The following LRRIQ1 variants were observed in gnomAD, a reference collection of about 807,000 sequenced individuals.
LRRIQ1 encodes leucine-rich repeat- and IQ domain-containing protein 1.
A neutral mutation model predicts 211.9 loss-of-function variants in LRRIQ1; 210 were observed. That is an observed-to-expected ratio of 0.99 (90% CI 0.89 to 1.11). The LOEUF (loss-of-function observed/expected upper bound fraction) is 1.11. Among genes scored for constraint, LRRIQ1 ranks in the 50% most tolerant of loss-of-function variants. The pLI is 0.00. For synonymous variants in LRRIQ1, 699 were observed against 650.1 expected (o/e 1.08, Z -1.14); for missense variants, 2,136 against 1,939.5 (o/e 1.10, Z -1.90).
intron 24 of LRRIQ1, among the ~76,000 whole-genome samples, chr12:85,177,484 C>T (rs1338206180): frequency 2.6e-5 from 4 of 151,956 alleles, no homozygotes; most frequent in South Asian, 2.1e-4. Flanking sequence ...ACTAGGCAAG[C>T]GGGGGAGGTT....
chr12:85,237,618 G>C (rs1405812130), intron 26 of LRRIQ1, among the ~76,000 whole-genome samples: 1 of 152,070 alleles, frequency 6.6e-6, no homozygotes, highest in African/African-American at 2.4e-5. Flanking sequence ...GTTCTGACCT[G>C]CTACAGTGGA....
chr12:85,208,343 A>G (rs1893667992), intron 24 of LRRIQ1, among the ~76,000 whole-genome samples: 1 of 152,132 alleles, frequency 6.6e-6, no homozygotes, highest in Non-Finnish European at 1.5e-5. Context: ...GTACCTGCCA[A>G]AAAGCACTTA....
rs191308682 is a variant in LRRIQ1, at chr12:85,113,500, G to A, written c.3377+6885G>A. Among the ~76,000 whole-genome samples the A allele has an allele frequency of 5.7e-3, 869 of 151,784 alleles. 6 individuals carry two copies. The highest frequency in any genetic ancestry group is 9.9e-3 in the African/African-American group (410 of 41,410). On this transcript the variant is annotated intron_variant, in intron 15 of 26. Coordinates refer to ENST00000393217, the MANE Select transcript of LRRIQ1 (RefSeq NM_001079910.2). ...AAATTTTGTTTATTGTTTTTGCTTC[G>A]GTTACATAGTACCAGCACAGTCCCT... is the stretch of plus-strand genomic sequence containing the variant.
chr12:85,127,894 T>G lies in LRRIQ1; in HGVS notation c.4070T>G (p.Phe1357Cys). The change falls in exon 18 of 27, where the codon TTC (phenylalanine) becomes TGC (cysteine). Residue 1357 changes from phenylalanine (F) to cysteine (C), a missense_variant. Coordinates refer to ENST00000393217, the MANE Select transcript of LRRIQ1 (RefSeq NM_001079910.2). ...TACCTCATGCGCAGACAGACTCATT[T>G]CTCCACAAGGCTACATACTGCTGCA... Reference protein sequence around the residue: ...RGYLMRRQTHFSTRLHTAATE... With the variant: ...RGYLMRRQTHCSTRLHTAATE... The G allele has an allele frequency of 6.2e-7, 1 of 1,614,120 alleles. No homozygotes were observed. The highest frequency in any genetic ancestry group is 1.1e-5 in the South Asian group (1 of 91,084).
At chr12:85,195,970 C>G (rs577162008) in intron 24 of LRRIQ1, among the ~76,000 whole-genome samples, 181 of 152,026 alleles carry the variant, frequency 1.2e-3, no homozygotes, top group African/African-American at 4.2e-3. Flanking sequence ...TAAGCAACTT[C>G]AGCGAAGTCT....
At chr12:85,210,122 A>G (rs1033079258) in intron 24 of LRRIQ1, among the ~76,000 whole-genome samples, 5 of 152,208 alleles carry the variant, frequency 3.3e-5, no homozygotes, top group Non-Finnish European at 5.9e-5. Flanking sequence ...AGAGGACCTT[A>G]TACATTTCTA....
chr12:85,225,085 C>A (rs1246425555), intron 24 of LRRIQ1, among the ~76,000 whole-genome samples: 1 of 151,940 alleles, frequency 6.6e-6, no homozygotes, highest in East Asian at 1.9e-4. Context: ...CAACCAACTG[C>A]AGATTAAAAA....
chr12:85,269,276 C>T (rs1475890005), downstream of LRRIQ1, among the ~76,000 whole-genome samples: 2 of 151,836 alleles, frequency 1.3e-5, no homozygotes, highest in African/African-American at 4.8e-5. Context: ...AAAACTGCTA[C>T]GTGATGGTTT....
At chr12:85,141,692 G>A (rs993666937) in intron 19 of LRRIQ1, among the ~76,000 whole-genome samples, 2 of 150,106 alleles carry the variant, frequency 1.3e-5, no homozygotes, top group Non-Finnish European at 3.0e-5. Flanking sequence ...ATATAGTTGG[G>A]TTCTGCTTAT....
intron 20 of LRRIQ1, among the ~76,000 whole-genome samples, chr12:85,152,732 C>T (rs1019409200): frequency 3.2e-4 from 48 of 151,568 alleles, no homozygotes; most frequent in African/African-American, 1.1e-3. Flanking sequence ...GGTCAATGGA[C>T]TGCAATATCT....
intron 11 of LRRIQ1, among the ~76,000 whole-genome samples, chr12:85,075,088 T>C (rs182428413): frequency 6.6e-6 from 1 of 152,276 alleles, no homozygotes; most frequent in Admixed American, 6.6e-5. Flanking sequence ...TACCAATAGG[T>C]ATTTAAGTGC....
At position 85,106,546 on chromosome 12, in the gene LRRIQ1, T is replaced by C; in HGVS notation, c.3308T>C (p.Phe1103Ser). 1 of 1,610,848 alleles carries C rather than the reference T, an allele frequency of 6.2e-7. No individual in the cohort carries two copies. The highest frequency in any genetic ancestry group is 2.2e-5 in the East Asian group (1 of 44,692). The change falls in exon 15 of 27, where the codon TTT becomes TCT. Residue 1103 changes from phenylalanine to serine, a missense_variant. Physicochemically the swap from Phe to Ser is radical, Grantham distance 155. Coordinates refer to ENST00000393217, the MANE Select transcript of LRRIQ1 (RefSeq NM_001079910.2). ...LSDLKSAIKW[F>S]DACYSLHELS... ...GATCTTAAAAGTGCCATAAAATGGTTTGATGCATGCTATTCTCTCCATGAA... is the reference window on the plus strand; with the variant it reads ...GATCTTAAAAGTGCCATAAAATGGTCTGATGCATGCTATTCTCTCCATGAA...
intron 24 of LRRIQ1, among the ~76,000 whole-genome samples, chr12:85,164,167 T>A (rs1350628179): frequency 6.6e-6 from 1 of 152,242 alleles, no homozygotes; most frequent in Non-Finnish European, 1.5e-5. Context: ...TCTTGGTTAT[T>A]GCCTTAAAGA....
intron 24 of LRRIQ1, among the ~76,000 whole-genome samples, chr12:85,217,490 A>ATG (rs1240277495): frequency 1.8e-4 from 15 of 84,080 alleles, no homozygotes; most frequent in Middle Eastern, 5.3e-3. Flanking sequence ...ATATATATAT[A>ATG]TGTATATATA....
chr12:85,105,628 T>A (rs1183073007), intron 14 of LRRIQ1, among the ~76,000 whole-genome samples: 3 of 152,092 alleles, frequency 2.0e-5, no homozygotes, highest in African/African-American at 7.2e-5. Flanking sequence ...CATTGAACAT[T>A]GTAGATAGTT....
intron 24 of LRRIQ1, among the ~76,000 whole-genome samples, chr12:85,196,452 C>A (rs1056369479): frequency 1.9e-3 from 293 of 152,236 alleles, no homozygotes; most frequent in African/African-American, 6.8e-3. Context: ...GTAACCAAAA[C>A]AGCATGGTAC....
rs185696730 is a variant in LRRIQ1 at position 85,143,192 on chromosome 12, A to C, written c.4329+5223A>C. Among the ~76,000 whole-genome samples the C allele has an allele frequency of 2.6e-3, 391 of 151,716 alleles. 4 individuals are homozygous for C. The highest frequency in any genetic ancestry group is 9.3e-3 in the African/African-American group (384 of 41,466). ...ATATCTCATTGTGGTTTTAATCTGC[A>C]TTTCCCTGATGGCTAAAGCTGTTAA... On this transcript the variant is annotated intron_variant, in intron 19 of 26. Coordinates refer to ENST00000393217, the MANE Select transcript of LRRIQ1 (RefSeq NM_001079910.2).
chr12:85,123,009 T>C (rs1426941854), intron 16 of LRRIQ1, among the ~76,000 whole-genome samples: 1 of 152,010 alleles, frequency 6.6e-6, no homozygotes, highest in Non-Finnish European at 1.5e-5. Context: ...TTTTATAATA[T>C]GTAAAATAGA....
At chr12:85,052,275 A>C (rs765629984) in intron 7 of LRRIQ1, 24 bp downstream of exon 7, 1 of 1,181,828 alleles carries the variant, frequency 8.5e-7, no homozygotes, top group East Asian at 2.5e-5. Context: ...GTTTTTATTT[A>C]GCACATTAAG....
Sources: allele counts gnomAD v4.1 joint callset (sites outside exome capture counted in the v4.1 genomes callset), GRCh38; gene constraint gnomAD v4.1.1; transcripts MANE v1.5; gene names NCBI Gene and HGNC (gene_info 2026-07-23, HGNC 2026-07-21).